Variants in VMA21 observed in about 807,000 individuals in gnomAD.
VMA21 encodes the protein vacuolar ATPase assembly integral membrane protein VMA21.
For synonymous variants in VMA21, 47 were observed against 34.1 expected (o/e 1.38, Z -1.32); for missense variants, 61 against 80.6 (o/e 0.76, Z 0.93).
rs927157915 is a variant in VMA21, at chrX:151,404,905, T to C, written c.164-11T>C. On this transcript the variant is annotated splice_polypyrimidine_tract_variant and intron_variant, in intron 2 of 2. Coordinates refer to ENST00000330374, the MANE Select transcript of VMA21 (RefSeq NM_001017980.4). ...GCAATAAAATGGAAACTGTTTTTTT[T>C]CTCTTGATAGGCGCCCTTGGGATGT... 5.8e-6 allele frequency: 7 copies of C among 1,207,095 alleles called. No individual in the cohort carries two copies. The highest frequency in any genetic ancestry group is 1.8e-5 in the South Asian group (1 of 56,070).
chrX:151,404,831 A>G, intron 2 of VMA21, 85 bp from the exon 3 acceptor site: 2 of 1,099,504 alleles, frequency 1.8e-6, no homozygotes, highest in Non-Finnish European at 2.5e-6. Flanking sequence ...TAAATACATC[A>G]TAAAAATTAG....
At position 151,404,897 on chromosome X, in the gene VMA21, G is replaced by T. The variant is rs773306168; in HGVS notation, c.164-19G>T. The T allele has an allele frequency of 4.7e-5, 56 of 1,195,738 alleles. No individual in the cohort carries two copies. The East Asian group carries it at 1.1e-3, about 24-fold the overall frequency. ...TAAATTTTGCAATAAAATGGAAACT[G>T]TTTTTTTTCTCTTGATAGGCGCCCT... On this transcript the variant is annotated intron_variant, in intron 2 of 2. Coordinates refer to ENST00000330374, the MANE Select transcript of VMA21 (RefSeq NM_001017980.4).
rs2011328042 is a variant in VMA21, at chrX:151,409,323, A to G, written c.*4265A>G. ...ATATTGTAGCTTGTAATTTGTATAA[A>G]TGTACCATCTGATGTCATTAAAAAA... On this transcript the variant is annotated 3_prime_UTR_variant, in exon 3 of 3. Transcript: ENST00000330374. 1 of 111,658 alleles carries G rather than the reference A, an allele frequency of 9.0e-6. No individual in the cohort carries two copies. Among genetic ancestry groups the G allele is most frequent in the Non-Finnish European group, 1.9e-5 (1 of 53,223 alleles). The allele number at this position is 111,658 out of a possible 1,213,427, so 9.2% of individuals were successfully genotyped here.
rs771617864 is a variant in VMA21, at chrX:151,408,372, C to T, written c.*3314C>T. The stretch of plus-strand genomic sequence containing the variant: ...GGTATATACAAAGAAAGATGAAACC[C>T]GAAAGTACATAAAAAGGATTTAAAT... On this transcript the variant is annotated 3_prime_UTR_variant, in exon 3 of 3. Transcript: ENST00000330374. 9 of 111,692 alleles carry T rather than the reference C, an allele frequency of 8.1e-5. No individual in the cohort carries two copies. In the South Asian group the frequency reaches 3.0e-3, roughly 37 times the overall value. 9.2% of individuals were successfully genotyped at this position (111,692 alleles called of 1,213,427 possible).
At chrX:151,401,756 T>C (rs1254699722) in intron 1 of VMA21, among the ~76,000 whole-genome samples, 3 of 110,245 alleles carry the variant, frequency 2.7e-5, no homozygotes, top group African/African-American at 9.9e-5. Context: ...CCTAAGTTTC[T>C]TTTTTTTTGA....
chrX:151,406,860 G>C lies in VMA21; in HGVS notation c.*1802G>C, dbSNP rs1478886568. 1 of 112,102 alleles carries C rather than the reference G, an allele frequency of 8.9e-6. No individual in the cohort carries two copies. Among genetic ancestry groups the C allele is most frequent in the South Asian group, 3.6e-4 (1 of 2,761 alleles). 9.2% of individuals were successfully genotyped at this position (112,102 alleles called of 1,213,427 possible). A position where few individuals can be genotyped will look rare whatever the true frequency, so the allele number is the denominator to read the frequency against. ...GACTAAAGGAATAGAGGGATGATTA[G>C]TCATAAAAGTCAAATAGCATTTGTG... On this transcript the variant is annotated 3_prime_UTR_variant, in exon 3 of 3. Transcript: ENST00000330374.
rs776116459 is a variant in VMA21 at position 151,403,622 on chromosome X, T to C, written c.54-9T>C. 8.4e-7 allele frequency: 1 copy of C among 1,186,675 alleles called. No homozygotes were observed. Among genetic ancestry groups the C allele is most frequent in the Admixed American group, 2.2e-5 (1 of 46,041 alleles). On this transcript the variant is annotated splice_polypyrimidine_tract_variant and intron_variant, in intron 1 of 2. Coordinates refer to ENST00000330374, the MANE Select transcript of VMA21 (RefSeq NM_001017980.4). ...GGTTCTGATTTTCTCTTTGTTTACT[T>C]TATTCCAGAAATGAAAGCTCATTAG...
chrX:151,396,622 G>C, upstream of VMA21: 4 of 349,942 alleles, frequency 1.1e-5, no homozygotes, highest in South Asian at 2.6e-4. Context: ...TTTGAACTCT[G>C]ACATTCTCTA....
At chrX:151,397,051 A>G (rs2011195418), upstream of VMA21, 1 of 492,156 alleles carries the variant, frequency 2.0e-6, no homozygotes, top group Non-Finnish European at 3.7e-6. Flanking sequence ...CCGCGGAGCC[A>G]CCGCCGGTAA....
intron 1 of VMA21, among the ~76,000 whole-genome samples, chrX:151,401,635 A>G (rs995618871): frequency 8.9e-6 from 1 of 112,186 alleles, no homozygotes; most frequent in Non-Finnish European, 1.9e-5. Context: ...AATTCTTCCA[A>G]TCCATGAACA....
At chrX:151,399,579 T>C (rs918559311) in intron 1 of VMA21, among the ~76,000 whole-genome samples, 5 of 111,760 alleles carry the variant, frequency 4.5e-5, no homozygotes, top group Admixed American at 1.9e-4. Flanking sequence ...TAGTGACTCT[T>C]TGTATTTTTT....
chrX:151,397,250 T>A lies in VMA21; in HGVS notation c.-59T>A, dbSNP rs1457946589. On this transcript the variant is annotated 5_prime_UTR_variant, in exon 1 of 3. Transcript: ENST00000330374. ...TCGGCCGTTCCCTCGCGGAGCTTAC[T>A]GAGCGCGGCCGCCGAGCCCAGCTCC... 4.9e-5 allele frequency: 55 copies of A among 1,130,300 alleles called. No individual in the cohort carries two copies. The highest frequency in any genetic ancestry group is 5.6e-5 in the Non-Finnish European group (48 of 853,386). 93.1% of individuals were successfully genotyped at this position (1,130,300 alleles called of 1,213,427 possible).
intron 1 of VMA21, among the ~76,000 whole-genome samples, chrX:151,402,557 G>A (rs756937140): frequency 8.8e-6 from 1 of 113,108 alleles, no homozygotes; most frequent in South Asian, 3.6e-4. Context: ...ATGTTGTCCT[G>A]TAGTTTTCTT....
chrX:151,399,816 A>G (rs2011224170), intron 1 of VMA21, among the ~76,000 whole-genome samples: 1 of 111,702 alleles, frequency 9.0e-6, no homozygotes. Flanking sequence ...AATTTCTCAC[A>G]CATGTGCAGA....
At chrX:151,397,042 C>A, upstream of VMA21, 1 of 497,157 alleles carries the variant, frequency 2.0e-6, no homozygotes, top group Non-Finnish European at 3.6e-6. Flanking sequence ...GGGCGCACGC[C>A]GCGGAGCCAC....
At position 151,407,576 on chromosome X, in the gene VMA21, T is replaced by TGGCCGGGCGCGGTGGCTC; in HGVS notation, c.*2518_*2519insGGCCGGGCGCGGTGGCTC. The TGGCCGGGCGCGGTGGCTC allele has an allele frequency of 8.9e-6, 1 of 112,533 alleles. No individual in the cohort carries two copies. The highest frequency in any genetic ancestry group is 9.4e-5 in the Admixed American group (1 of 10,585). The allele number at this position is 112,533 out of a possible 1,213,427, so 9.3% of individuals were successfully genotyped here. On this transcript the variant is annotated 3_prime_UTR_variant, in exon 3 of 3. Transcript: ENST00000330374. ...AACTGATTGTAAGAATAACCTCAGT[T>TGGCCGGGCGCGGTGGCTC]AGGAGATATAACTTGAAGTGTCAGT... is the stretch of plus-strand genomic sequence containing the variant.
At chrX:151,398,544 A>G (rs943583215) in intron 1 of VMA21, among the ~76,000 whole-genome samples, 17 of 111,261 alleles carry the variant, frequency 1.5e-4, no homozygotes, top group Non-Finnish European at 2.6e-4. Context: ...TTATGGCTGC[A>G]TAGTGTTCCA....
At position 151,408,824 on chromosome X, in the gene VMA21, C is replaced by T. The variant is rs1018022017; in HGVS notation, c.*3766C>T. ...AATTCCTCGACATCACTCCTGGCCA[C>T]ACTTTCCTTGCCTGTGTTGTTGCTA... is the stretch of plus-strand genomic sequence containing the variant. On this transcript the variant is annotated 3_prime_UTR_variant, in exon 3 of 3. Transcript: ENST00000330374. The T allele has an allele frequency of 4.4e-5, 5 of 112,691 alleles. No homozygotes were observed. Among genetic ancestry groups the T allele is most frequent in the African/African-American group, 1.6e-4 (5 of 30,889 alleles). 9.3% of individuals were successfully genotyped at this position (112,691 alleles called of 1,213,427 possible).
chrX:151,405,947 A>G lies in VMA21; in HGVS notation c.*889A>G, dbSNP rs1252270802. The stretch of plus-strand genomic sequence containing the variant: ...TAGGAGTGGAAACAATCTGGAAAAC[A>G]TTTTTTTTTCATCCAAAAAGTATTC... On this transcript the variant is annotated 3_prime_UTR_variant, in exon 3 of 3. Transcript: ENST00000330374. 9.1e-6 allele frequency: 1 copy of G among 109,660 alleles called. No homozygotes were observed. Among genetic ancestry groups the G allele is most frequent in the Non-Finnish European group, 1.9e-5 (1 of 52,442 alleles). 9.0% of individuals were successfully genotyped at this position (109,660 alleles called of 1,213,427 possible).
Sources: allele counts gnomAD v4.1 joint callset (sites outside exome capture counted in the v4.1 genomes callset), GRCh38; gene constraint gnomAD v4.1.1; transcripts MANE v1.5; gene names NCBI Gene and HGNC (gene_info 2026-07-23, HGNC 2026-07-21).